CRYBG1: variants seen among roughly 807,000 people sequenced by gnomAD.
The protein encoded by CRYBG1 is crystallin beta-gamma domain containing 1.
In CRYBG1, 139 loss-of-function variants were observed where a neutral mutation model predicts 189.2. The observed-to-expected ratio is 0.73, with a 90% CI of 0.64 to 0.85. The LOEUF is 0.85. Among genes scored for constraint, CRYBG1 ranks in the 40% least tolerant of loss-of-function variants. CRYBG1 has a pLI of 0.00. For missense variants in CRYBG1, 2,611 were observed against 2,675.8 expected, an observed-to-expected ratio of 0.98 and a Z score of 0.53; for synonymous variants, 1,023 against 1,017.1, an observed-to-expected ratio of 1.01 and a Z score of -0.11.
intron 1 of CRYBG1, among the ~76,000 whole-genome samples, chr6:106,376,338 T>A (rs1201319592): frequency 1.3e-5 from 2 of 152,210 alleles, no homozygotes; most frequent in African/African-American, 4.8e-5. Flanking sequence ...TATCCACATC[T>A]TGAACCTCAG....
chr6:106,558,457 A>G, intron 17 of CRYBG1, 29 bp from the exon 18 acceptor site: 1 of 1,521,946 alleles, frequency 6.6e-7, no homozygotes, highest in Non-Finnish European at 9.0e-7. Context: ...AAAGATGAAT[A>G]ACAGAACATT....
chr6:106,456,072 C>G (rs183998320), intron 2 of CRYBG1, among the ~76,000 whole-genome samples: 1 of 152,242 alleles, frequency 6.6e-6, no homozygotes, highest in East Asian at 1.9e-4. Context: ...TGTGATGCTC[C>G]CAAATCATCC....
chr6:106,542,608 C>CATTTTATTTTATTTTATTTT (rs56795208), intron 10 of CRYBG1, among the ~76,000 whole-genome samples: 6 of 126,738 alleles, frequency 4.7e-5, no homozygotes, highest in African/African-American at 1.5e-4. Context: ...ATGATTAGAA[C>CATTTTATTTTATTTTATTTT]ATTTTATTTT....
chr6:106,540,429 G>T (rs1384441916), intron 9 of CRYBG1, among the ~76,000 whole-genome samples: 1 of 152,168 alleles, frequency 6.6e-6, no homozygotes, highest in Non-Finnish European at 1.5e-5. Context: ...AAAGTATTTG[G>T]TTTAATTATC....
chr6:106,528,064 C>T (rs1041359374), intron 7 of CRYBG1, among the ~76,000 whole-genome samples: 2 of 152,014 alleles, frequency 1.3e-5, no homozygotes, highest in East Asian at 3.9e-4. Flanking sequence ...ATGATGTCTT[C>T]TAAGTAGAAA....
In CRYBG1 at chr6:106,553,460, C is replaced by G. The variant is rs1242275840; in HGVS notation, c.5478C>G (p.His1826Gln). 6.2e-7 allele frequency: 1 copy of G among 1,604,864 alleles called. No homozygotes were observed. Residue 1826 changes from histidine to glutamine, a missense_variant, in exon 16 of 22, where the codon CAC becomes CAG. Around this residue, in one of 3 missense-constraint regions of CRYBG1, gnomAD observed 1,622 missense variants for 1,735.0 expected, o/e 0.93. Transcript: ENST00000633556. ...FTGPRRRNQI[H>Q]LFSEPQFQGH... ...TTCTGTTTACTTTTTCAAAGATTCA[C>G]TTGTTTTCAGAACCACAGTTTCAAG...
chr6:106,479,539 T>A (rs182530615), intron 2 of CRYBG1, among the ~76,000 whole-genome samples: 2 of 152,302 alleles, frequency 1.3e-5, no homozygotes, highest in East Asian at 3.9e-4. Context: ...CATTTAACAA[T>A]CCCACCAGTA....
intron 6 of CRYBG1, among the ~76,000 whole-genome samples, chr6:106,526,592 T>C (rs1478858864): frequency 6.6e-6 from 1 of 152,196 alleles, no homozygotes; most frequent in Non-Finnish European, 1.5e-5. Flanking sequence ...TATTCATTGA[T>C]ATGACTGTAA....
chr6:106,427,258 T>TTC (rs1283302949), intron 1 of CRYBG1, among the ~76,000 whole-genome samples: 2 of 152,206 alleles, frequency 1.3e-5, no homozygotes, highest in Non-Finnish European at 2.9e-5. Flanking sequence ...TCAAACAGCC[T>TTC]TCCCAGCCTC....
At chr6:106,436,024 A>G (rs1202873873) in intron 1 of CRYBG1, among the ~76,000 whole-genome samples, 1 of 152,256 alleles carries the variant, frequency 6.6e-6, no homozygotes, top group Non-Finnish European at 1.5e-5. Context: ...TTATTAAATT[A>G]TGTAAAAAGG....
chr6:106,380,646 TG>T (rs776689673), intron 1 of CRYBG1, among the ~76,000 whole-genome samples: 34 of 152,216 alleles, frequency 2.2e-4, no homozygotes, highest in Admixed American at 4.6e-4. Context: ...ATATTAGCTA[TG>T]TTTATTCAGT....
intron 1 of CRYBG1, among the ~76,000 whole-genome samples, chr6:106,370,493 C>A (rs757124715): frequency 2.0e-5 from 3 of 152,188 alleles, no homozygotes; most frequent in Non-Finnish European, 4.4e-5. Flanking sequence ...TGCTTGAATC[C>A]ATTGGTTTTA....
At position 106,512,621 on chromosome 6, in the gene CRYBG1, C is replaced by A; in HGVS notation, c.1504C>A (p.Arg502=). ...TKGQLRGESD[R]SKQPPPASSP... is the part of the protein sequence containing the mutation. The stretch of plus-strand genomic sequence containing the variant: ...AGGGCAGCTCCGAGGGGAGTCGGAC[C>A]GGAGCAAACAGCCACCCCCGGCTTC... Residue 502 remains arginine (R), a synonymous_variant, in exon 3 of 22, where the codon CGG becomes AGG. Coordinates refer to ENST00000633556, the MANE Select transcript of CRYBG1 (RefSeq NM_001371242.2). 1.3e-6 allele frequency: 2 copies of A among 1,599,234 alleles called. No individual in the cohort carries two copies. The highest frequency in any genetic ancestry group is 1.7e-6 in the Non-Finnish European group (2 of 1,173,958).
At chr6:106,397,287 C>T (rs1366321918) in intron 1 of CRYBG1, among the ~76,000 whole-genome samples, 2 of 152,156 alleles carry the variant, frequency 1.3e-5, no homozygotes, top group Admixed American at 1.3e-4. Flanking sequence ...TAAGATCTGT[C>T]TTAGCAAACT....
intron 1 of CRYBG1, among the ~76,000 whole-genome samples, chr6:106,438,270 G>A (rs1008618886): frequency 2.6e-5 from 4 of 152,170 alleles, no homozygotes; most frequent in Non-Finnish European, 4.4e-5. Flanking sequence ...TGTGTTAAAC[G>A]TTGCCCTCTC....
chr6:106,538,069 G>A (rs1021459579), intron 8 of CRYBG1, among the ~76,000 whole-genome samples: 1 of 152,140 alleles, frequency 6.6e-6, no homozygotes. Flanking sequence ...GTGTTCTGGG[G>A]AACACAACAT....
intron 1 of CRYBG1, among the ~76,000 whole-genome samples, chr6:106,384,652 C>A (rs1054756767): frequency 6.6e-6 from 1 of 152,212 alleles, no homozygotes; most frequent in African/African-American, 2.4e-5. Flanking sequence ...GCTTTTGTGG[C>A]AATCTCAGAA....
At position 106,512,694 on chromosome 6, in the gene CRYBG1, C is replaced by T; in HGVS notation, c.1577C>T (p.Pro526Leu). The change falls in exon 3 of 22, where the codon CCC becomes CTC. Residue 526 changes from proline to leucine, a missense_variant. By Grantham distance (98) the Pro-to-Leu change is moderately conservative. Transcript: ENST00000633556. ...KGRSRALEAV[P>L]APPASGPRAP... The stretch of plus-strand genomic sequence containing the variant: ...AGGAGCCGTGCCCTCGAGGCCGTGC[C>T]CGCCCCGCCCGCCAGCGGCCCCCGG... 6.5e-7 allele frequency: 1 copy of T among 1,543,330 alleles called. No individual in the cohort carries two copies. The highest frequency in any genetic ancestry group is 8.7e-7 in the Non-Finnish European group (1 of 1,144,388).
chr6:106,522,003 G>C (rs371581441), intron 4 of CRYBG1, among the ~76,000 whole-genome samples: 1 of 152,116 alleles, frequency 6.6e-6, no homozygotes, highest in Admixed American at 6.5e-5. Flanking sequence ...AGAGTGTTGC[G>C]ATTACAGGTG....
Sources: gnomAD v4.1 joint callset for allele counts (sites outside exome capture counted in the v4.1 genomes callset) on GRCh38, gnomAD v4.1.1 for gene constraint, gnomAD v4.1.1 regional missense constraint, MANE v1.5 for transcripts, NCBI Gene and HGNC (gene_info 2026-07-23, HGNC 2026-07-21) for gene names.